ARID1B: variants seen among roughly 807,000 people sequenced by gnomAD.
The protein encoded by ARID1B is AT-rich interaction domain 1B, also known as AT-rich interactive domain-containing protein 1B.
Under a neutral mutation model 212.3 loss-of-function variants are expected in ARID1B, and 30 were observed. The ratio of observed to expected loss-of-function variants is 0.14; its 90% CI spans 0.11 to 0.19. The LOEUF is 0.19. Ranked by LOEUF, ARID1B falls within the 10% of genes least tolerant of loss-of-function variation. The pLI is 1.00. For synonymous variants in ARID1B, 1,402 were observed against 1,301.7 expected (o/e 1.08, Z -1.66); for missense variants, 2,891 against 3,204.0 (o/e 0.90, Z 2.36).
At chr6:156,829,940 A>G (rs1043845646) in intron 2 of ARID1B, among the ~76,000 whole-genome samples, 3 of 151,954 alleles carry the variant, frequency 2.0e-5, no homozygotes, top group South Asian at 2.1e-4. Context: ...TGTATTTCAT[A>G]TAAGAGGATT....
intron 4 of ARID1B, among the ~76,000 whole-genome samples, chr6:156,988,576 T>A (rs1778078315): frequency 1.3e-5 from 2 of 152,168 alleles, no homozygotes; most frequent in Non-Finnish European, 1.5e-5. Context: ...AGCAAGGAGT[T>A]AAGGACTGCC....
chr6:156,970,247 A>AT (rs1776832767), intron 4 of ARID1B, among the ~76,000 whole-genome samples: 1 of 151,778 alleles, frequency 6.6e-6, no homozygotes, highest in Admixed American at 6.6e-5. Context: ...TACCCGGCTA[A>AT]TTTTTTGTAT....
Position 156,779,200 on chromosome 6 carries a change from C to T in ARID1B, c.1520C>T (p.Thr507Ile). The T allele has an allele frequency of 2.2e-6, 3 of 1,338,146 alleles. No homozygotes were observed. Among genetic ancestry groups the T allele is most frequent in the Non-Finnish European group, 2.9e-6 (3 of 1,035,880 alleles). 82.9% of individuals were successfully genotyped at this position (1,338,146 alleles called of 1,614,324 possible). Reference protein sequence around the residue: ...GATPTLNQLLTSPSPMMRSYG... With the variant: ...GATPTLNQLLISPSPMMRSYG... ...ACCCCGACCCTCAATCAGCTGCTCACCTCGCCCAGCCCCATGATGCGGAGC... is the reference window on the plus strand; with the variant it reads ...ACCCCGACCCTCAATCAGCTGCTCATCTCGCCCAGCCCCATGATGCGGAGC... The change falls in exon 1 of 20, where the codon ACC becomes ATC. Residue 507 changes from threonine (T) to isoleucine (I), a missense_variant. By Grantham distance (89) the Thr-to-Ile change is moderately conservative. Coordinates refer to ENST00000636930, the MANE Select transcript of ARID1B (RefSeq NM_001374828.1).
At chr6:156,976,423 G>A (rs1285362199) in intron 4 of ARID1B, 1 of 170,544 alleles carries the variant, frequency 5.9e-6, no homozygotes, top group Non-Finnish European at 1.2e-5. Flanking sequence ...GGTGGAGTTG[G>A]GGGGACTTCC....
At chr6:157,106,343 C>T (rs1786481941) in intron 5 of ARID1B, among the ~76,000 whole-genome samples, 1 of 152,206 alleles carries the variant, frequency 6.6e-6, no homozygotes, top group African/African-American at 2.4e-5. Context: ...TACAAGGCTG[C>T]AGTCAAGATG....
chr6:156,920,071 T>C (rs1042559214), intron 3 of ARID1B, among the ~76,000 whole-genome samples: 2 of 152,248 alleles, frequency 1.3e-5, no homozygotes, highest in African/African-American at 4.8e-5. Context: ...TTAGTCCTAG[T>C]TCCCCAGACT....
At chr6:156,795,987 G>GCTC (rs1451816746) in intron 1 of ARID1B, among the ~76,000 whole-genome samples, 1 of 152,050 alleles carries the variant, frequency 6.6e-6, no homozygotes, top group African/African-American at 2.4e-5. Context: ...GCTCGGCACT[G>GCTC]CTCTGCTCAT....
intron 4 of ARID1B, among the ~76,000 whole-genome samples, chr6:156,984,137 G>T (rs887962526): frequency 1.6e-4 from 25 of 152,260 alleles, no homozygotes; most frequent in African/African-American, 5.8e-4. Context: ...GGAGTTCGGA[G>T]GGGATTCGTT....
intron 1 of ARID1B, among the ~76,000 whole-genome samples, chr6:156,807,930 T>C (rs1273750378): frequency 6.6e-6 from 1 of 152,238 alleles, no homozygotes; most frequent in Non-Finnish European, 1.5e-5. Context: ...ATAGGGTCTT[T>C]GGGTCTGAGT....
intron 1 of ARID1B, among the ~76,000 whole-genome samples, chr6:156,826,583 C>T (rs1782755406): frequency 1.3e-5 from 2 of 152,082 alleles, no homozygotes; most frequent in Non-Finnish European, 2.9e-5. Flanking sequence ...AGGACCCGTG[C>T]AGCCTTGGAG....
intron 6 of ARID1B, among the ~76,000 whole-genome samples, chr6:157,116,990 G>C (rs1029631694): frequency 1.2e-4 from 18 of 152,082 alleles, no homozygotes; most frequent in Non-Finnish European, 2.4e-4. Flanking sequence ...CTAAGCCTCT[G>C]GTATTTTGTC....
rs562107088 is a variant in ARID1B at position 157,196,037 on chromosome 6, C to A, written c.4232-128C>A. The A allele has an allele frequency of 1.4e-5, 17 of 1,201,664 alleles. No individual in the cohort carries two copies. The African/African-American group carries it at 2.0e-4, about 14-fold the overall frequency. 74.4% of individuals were successfully genotyped at this position (1,201,664 alleles called of 1,614,324 possible). On this transcript the variant is annotated intron_variant, in intron 15 of 19. Transcript: ENST00000636930. The stretch of plus-strand genomic sequence containing the variant: ...GATCACACCACTGCATTAGCCTGGG[C>A]GACAGAGTGAGACTCCATCTCAAAA...
intron 4 of ARID1B, among the ~76,000 whole-genome samples, chr6:156,948,212 C>CATTT (rs1021810842): frequency 2.6e-5 from 4 of 152,152 alleles, no homozygotes; most frequent in Admixed American, 6.5e-5. Context: ...ATAGTTGCTG[C>CATTT]ATTTATTTAT....
intron 4 of ARID1B, among the ~76,000 whole-genome samples, chr6:157,067,242 G>T (rs951484117): frequency 6.6e-6 from 1 of 152,254 alleles, no homozygotes; most frequent in Non-Finnish European, 1.5e-5. Context: ...GTAACCAGTA[G>T]AAGTAAGGAG....
At chr6:157,180,688 C>T (rs1021729591) in intron 11 of ARID1B, among the ~76,000 whole-genome samples, 3 of 152,108 alleles carry the variant, frequency 2.0e-5, no homozygotes, top group Non-Finnish European at 2.9e-5. Flanking sequence ...TGGGATTCAA[C>T]GCTTATATCC....
intron 4 of ARID1B, among the ~76,000 whole-genome samples, chr6:157,037,884 G>A (rs1238688865): frequency 6.6e-6 from 1 of 152,190 alleles, no homozygotes; most frequent in Non-Finnish European, 1.5e-5. Context: ...GGTATGCAGA[G>A]TAGGAAAAGA....
chr6:157,093,893 G>A (rs77466792), intron 5 of ARID1B, among the ~76,000 whole-genome samples: 1 of 152,334 alleles, frequency 6.6e-6, no homozygotes, highest in African/African-American at 2.4e-5. Context: ...AGCACTGAGT[G>A]TGTATTATGC....
At chr6:157,029,485 A>G (rs2128492044) in intron 4 of ARID1B, among the ~76,000 whole-genome samples, 1 of 152,370 alleles carries the variant, frequency 6.6e-6, no homozygotes, top group East Asian at 1.9e-4. Flanking sequence ...GACATGCAAC[A>G]GTGAATGAGC....
chr6:156,935,703 T>C (rs1792145429), intron 4 of ARID1B, 127 bp downstream of exon 4: 2 of 857,162 alleles, frequency 2.3e-6, no homozygotes, highest in East Asian at 5.4e-5. Flanking sequence ...AGGTTTATTT[T>C]GTGGTCAATT....
Sources: gnomAD v4.1 joint callset for allele counts (sites outside exome capture counted in the v4.1 genomes callset) on GRCh38, gnomAD v4.1.1 for gene constraint, MANE v1.5 for transcripts, NCBI Gene and HGNC (gene_info 2026-07-23, HGNC 2026-07-21) for gene names.